The following ARHGAP15 variants were observed in gnomAD, a reference collection of about 807,000 sequenced individuals.
ARHGAP15 encodes Rho GTPase activating protein 15.
Under a neutral mutation model 63.7 loss-of-function variants are expected in ARHGAP15, and 51 were observed. The observed-to-expected ratio is 0.80, with a 90% CI of 0.64 to 1.01. ARHGAP15 has a LOEUF of 1.01. Among genes scored for constraint, ARHGAP15 ranks in the 50% least tolerant of loss-of-function variants. The pLI is 0.00. For synonymous variants in ARHGAP15, 191 were observed against 193.8 expected (o/e 0.99, Z 0.12); for missense variants, 560 against 564.6 (o/e 0.99, Z 0.08).
chr2:143,566,592 T>C (rs570752217), intron 11 of ARHGAP15, among the ~76,000 whole-genome samples: 63 of 152,266 alleles, frequency 4.1e-4, no homozygotes, highest in African/African-American at 1.5e-3. Flanking sequence ...CTGACCTCAC[T>C]GTGTAGCTCT....
At chr2:143,535,753 C>T (rs1694726424) in intron 10 of ARHGAP15, among the ~76,000 whole-genome samples, 1 of 152,076 alleles carries the variant, frequency 6.6e-6, no homozygotes, top group Admixed American at 6.5e-5. Context: ...CTCTGCCATC[C>T]CCTGGAGGAA....
chr2:143,251,073 GCTTA>G (rs1408934044), intron 6 of ARHGAP15, among the ~76,000 whole-genome samples: 1 of 151,642 alleles, frequency 6.6e-6, no homozygotes, highest in Non-Finnish European at 1.5e-5. Context: ...CTTTCATATT[GCTTA>G]CTTTAGTTTT....
intron 6 of ARHGAP15, among the ~76,000 whole-genome samples, chr2:143,255,787 AT>A (rs1680393225): frequency 6.6e-6 from 1 of 152,162 alleles, no homozygotes; most frequent in South Asian, 2.1e-4. Context: ...ACATTCATAC[AT>A]GCATTAGATT....
intron 10 of ARHGAP15, among the ~76,000 whole-genome samples, chr2:143,545,975 G>GT (rs1695311794): frequency 6.6e-6 from 1 of 152,136 alleles, no homozygotes; most frequent in Non-Finnish European, 1.5e-5. Flanking sequence ...AAAGCTGCCT[G>GT]TAAGTGTTTT....
At chr2:143,760,428 T>TCACAGA (rs1686721029) in intron 13 of ARHGAP15, among the ~76,000 whole-genome samples, 1 of 152,180 alleles carries the variant, frequency 6.6e-6, no homozygotes, top group African/African-American at 2.4e-5. Context: ...TCTGTGGTTG[T>TCACAGA]TATCACCTTA....
At chr2:143,541,270 C>G (rs1183924541) in intron 10 of ARHGAP15, among the ~76,000 whole-genome samples, 3 of 152,124 alleles carry the variant, frequency 2.0e-5, no homozygotes, top group East Asian at 1.9e-4. Flanking sequence ...TTCTAGTTAT[C>G]CATTCGTCTA....
At chr2:143,288,392 A>G (rs539941546) in intron 6 of ARHGAP15, among the ~76,000 whole-genome samples, 53 of 152,316 alleles carry the variant, frequency 3.5e-4, no homozygotes, top group Middle Eastern at 3.4e-3. Context: ...TACCTTTTCT[A>G]AAGTTTTAAA....
At chr2:143,351,623 C>A (rs1685576195) in intron 6 of ARHGAP15, among the ~76,000 whole-genome samples, 2 of 152,144 alleles carry the variant, frequency 1.3e-5, no homozygotes, top group East Asian at 1.9e-4. Context: ...TAGGCGATGT[C>A]TATGGTAGTG....
chr2:143,290,437 A>T (rs921946775), intron 6 of ARHGAP15, among the ~76,000 whole-genome samples: 1 of 152,126 alleles, frequency 6.6e-6, no homozygotes, highest in Admixed American at 6.6e-5. Flanking sequence ...AAGAAAAAAA[A>T]AAAGGGCAGC....
At chr2:143,325,633 T>G (rs1307857095) in intron 6 of ARHGAP15, among the ~76,000 whole-genome samples, 3 of 152,164 alleles carry the variant, frequency 2.0e-5, no homozygotes, top group Non-Finnish European at 4.4e-5. Context: ...GAATTAAAAC[T>G]TTTGGGAGCT....
chr2:143,159,968 C>A (rs1213808894), intron 2 of ARHGAP15, among the ~76,000 whole-genome samples: 1 of 151,914 alleles, frequency 6.6e-6, no homozygotes, highest in African/African-American at 2.4e-5. Context: ...CTTTGAAAAA[C>A]ATAGATACAG....
chr2:143,278,024 T>A (rs1430618917), intron 6 of ARHGAP15, among the ~76,000 whole-genome samples: 1 of 152,176 alleles, frequency 6.6e-6, no homozygotes, highest in Non-Finnish European at 1.5e-5. Context: ...TACATTTATA[T>A]TTTTTAAAAT....
At chr2:143,306,403 C>T (rs141028237) in intron 6 of ARHGAP15, among the ~76,000 whole-genome samples, 65 of 152,182 alleles carry the variant, frequency 4.3e-4, no homozygotes, top group African/African-American at 1.5e-3. Flanking sequence ...TGAACATTGG[C>T]TCTGTCATTT....
intron 8 of ARHGAP15, among the ~76,000 whole-genome samples, chr2:143,456,575 A>G (rs1055248231): frequency 3.3e-5 from 5 of 152,002 alleles, no homozygotes; most frequent in Admixed American, 6.6e-5. Context: ...TGTATTCACC[A>G]TGAGCTGTTC....
chr2:143,713,343 G>A (rs753479762), intron 13 of ARHGAP15, among the ~76,000 whole-genome samples: 6 of 152,068 alleles, frequency 3.9e-5, no homozygotes, highest in Non-Finnish European at 5.9e-5. Flanking sequence ...AGAATAGCAC[G>A]GGAATGACCA....
At chr2:143,219,972 C>T (rs1327263703) in intron 4 of ARHGAP15, among the ~76,000 whole-genome samples, 1 of 152,130 alleles carries the variant, frequency 6.6e-6, no homozygotes, top group Admixed American at 6.5e-5. Flanking sequence ...ACATGTTGTA[C>T]ATATCCCCTC....
chr2:143,733,739 G>A (rs10928197), intron 13 of ARHGAP15, among the ~76,000 whole-genome samples: 55,396 of 151,970 alleles, frequency 0.36, 10,577 homozygotes, highest in Non-Finnish European at 0.42. Context: ...GAGATTATGA[G>A]GAATTTTTCT....
Position 143,649,658 on chromosome 2 carries a change from T to A in ARHGAP15, c.1138+25391T>A, listed in dbSNP as rs541956386. On this transcript the variant is annotated intron_variant, in intron 12 of 13. Transcript: ENST00000295095. The stretch of plus-strand genomic sequence containing the variant: ...ACATCTGGAGAGAAGAAACAATGTT[T>A]GCTCTCCAGCAGATGTAGTCTGTTT... Among the ~76,000 whole-genome samples, 4 of 152,108 alleles carry A rather than the reference T, an allele frequency of 2.6e-5. No individual in the cohort carries two copies. In the South Asian group the frequency reaches 8.3e-4, roughly 31 times the overall value.
chr2:143,527,041 AAATG>A (rs1209809398), intron 10 of ARHGAP15, among the ~76,000 whole-genome samples: 2 of 152,282 alleles, frequency 1.3e-5, no homozygotes, highest in African/African-American at 4.8e-5. Flanking sequence ...AGGAAGCTAT[AAATG>A]AAACCCAAAT....
Sources: gnomAD v4.1 joint callset for allele counts (sites outside exome capture counted in the v4.1 genomes callset) on GRCh38, gnomAD v4.1.1 for gene constraint, MANE v1.5 for transcripts, NCBI Gene and HGNC (gene_info 2026-07-23, HGNC 2026-07-21) for gene names.